PRMT7: variants seen among roughly 807,000 people sequenced by gnomAD.
PRMT7 encodes protein arginine N-methyltransferase 7.
A neutral mutation model predicts 85.4 loss-of-function variants in PRMT7; 75 were observed. The ratio of observed to expected loss-of-function variants is 0.88; its 90% CI spans 0.73 to 1.06. PRMT7 has a LOEUF of 1.06. Ranked by LOEUF, PRMT7 falls within the 50% of genes least tolerant of loss-of-function variation. The pLI is 0.00. For missense variants in PRMT7, 868 were observed against 915.2 expected, an observed-to-expected ratio of 0.95 and a Z score of 0.67; for synonymous variants, 397 against 359.5, an observed-to-expected ratio of 1.10 and a Z score of -1.18.
intron 3 of PRMT7, among the ~76,000 whole-genome samples, chr16:68,319,590 TAAA>T (rs58594681): frequency 1.1e-4 from 15 of 135,832 alleles, no homozygotes; most frequent in East Asian, 4.3e-4. Flanking sequence ...GATGTGCCAT[TAAA>T]AAAAAAAAAA....
At position 68,339,948 on chromosome 16, in the gene PRMT7, T is replaced by G. The variant is rs746733414; in HGVS notation, c.907T>G (p.Ser303Ala). Residue 303 changes from serine (S) to alanine (A), a missense_variant, in exon 9 of 19, where the codon TCA (serine) becomes GCA (alanine). Physicochemically the swap from Ser to Ala is moderately conservative, Grantham distance 99 (BLOSUM62 1). Coordinates refer to ENST00000441236, the MANE Select transcript of PRMT7 (RefSeq NM_019023.5). ...CACCATGGCCCCCTTCTGGGCACAC[T>G]CAGACCCAGAGGAGATGCAGGTAAG... ...KCTMAPFWAH[S>A]DPEEMQWRDH... The G allele has an allele frequency of 5.0e-6, 8 of 1,613,232 alleles. No individual in the cohort carries two copies. Among genetic ancestry groups the G allele is most frequent in the Non-Finnish European group, 6.8e-6 (8 of 1,179,644 alleles).
chr16:68,347,578 T>G, intron 12 of PRMT7, 53 bp from the exon 13 acceptor site: 2 of 1,563,502 alleles, frequency 1.3e-6, no homozygotes, highest in South Asian at 1.1e-5. Flanking sequence ...AATCTTTAAT[T>G]TCTTCTCTGT....
In PRMT7 at chr16:68,315,886, G is replaced by C; in HGVS notation, c.-83-11G>C. The C allele has an allele frequency of 1.0e-6, 1 of 1,004,470 alleles. No homozygotes were observed. The highest frequency in any genetic ancestry group is 1.3e-5 in the South Asian group (1 of 74,262). 62.2% of individuals were successfully genotyped at this position (1,004,470 alleles called of 1,614,324 possible). On this transcript the variant is annotated splice_polypyrimidine_tract_variant and intron_variant, in intron 2 of 18. Transcript: ENST00000441236. ...GTTTATATACCTCCTGTTTCCTTCT[G>C]ATGTTAATAGATTTCTGACAGTCAG... is the stretch of plus-strand genomic sequence containing the variant.
intron 17 of PRMT7, 112 bp downstream of exon 17, chr16:68,355,995 T>C: frequency 8.4e-7 from 1 of 1,194,620 alleles, no homozygotes; most frequent in Non-Finnish European, 1.1e-6. Context: ...GGAGGGGGTA[T>C]TCGTCCTCCC....
chr16:68,337,544 T>A lies in PRMT7; in HGVS notation c.477T>A (p.Tyr159Ter), dbSNP rs939578442. The A allele has an allele frequency of 6.2e-7, 1 of 1,610,992 alleles. No homozygotes were observed. Among genetic ancestry groups the A allele is most frequent in the Admixed American group, 1.7e-5 (1 of 59,692 alleles). ...TCGGGGAGGGGGCGCTGCCCTCCTATGAGCACGCACACAGGCATCTCGTGG... is the reference window on the plus strand; with the variant it reads ...TCGGGGAGGGGGCGCTGCCCTCCTAAGAGCACGCACACAGGCATCTCGTGG... ...ELIGEGALPS[Y>*]EHAHRHLVEE... Residue 159 changes from tyrosine to a stop codon, truncating the protein, a stop_gained, in exon 7 of 19, where the codon TAT (tyrosine) becomes TAA (stop). Transcript: ENST00000441236. LOFTEE classifies it high-confidence loss of function.
chr16:68,359,972 A>G (rs886259042), downstream of PRMT7: 2 of 152,480 alleles, frequency 1.3e-5, no homozygotes, highest in Admixed American at 1.3e-4. Context: ...GCATGCAGCA[A>G]CTGTCAGCCT....
At chr16:68,356,597 G>A (rs2088556662) in intron 17 of PRMT7, 104 bp from the exon 18 acceptor site, 1 of 806,564 alleles carries the variant, frequency 1.2e-6, no homozygotes, top group Non-Finnish European at 2.0e-6. Context: ...GGGCAGGAAG[G>A]AAGTGGGGAA....
intron 17 of PRMT7, 72 bp from the exon 18 acceptor site, chr16:68,356,629 C>A: frequency 8.4e-7 from 1 of 1,192,962 alleles, no homozygotes; most frequent in East Asian, 2.5e-5. Flanking sequence ...TCTGGAAAGC[C>A]GCAGGAGCTG....
At chr16:68,325,957 A>C (rs543436963) in intron 5 of PRMT7, among the ~76,000 whole-genome samples, 1 of 152,172 alleles carries the variant, frequency 6.6e-6, no homozygotes, top group Non-Finnish European at 1.5e-5. Flanking sequence ...ATGTTTACCA[A>C]TTTGTCATTT....
Position 68,329,194 on chromosome 16 carries a change from T to C in PRMT7, c.391+20T>C, listed in dbSNP as rs778925776. On this transcript the variant is annotated intron_variant, in intron 6 of 18. Transcript: ENST00000441236. ...GTCCAGGTGAGATTTACACACCCTGTGTTGAAAGCTTTGCTTGCTCTTGTG... is the reference window on the plus strand; with the variant it reads ...GTCCAGGTGAGATTTACACACCCTGCGTTGAAAGCTTTGCTTGCTCTTGTG... 5.3e-6 allele frequency: 8 copies of C among 1,516,562 alleles called. No homozygotes were observed. The highest frequency in any genetic ancestry group is 7.3e-6 in the Non-Finnish European group (8 of 1,091,966). 93.9% of individuals were successfully genotyped at this position (1,516,562 alleles called of 1,614,324 possible).
chr16:68,347,745 GTGGCAT>G, intron 13 of PRMT7, 67 bp downstream of exon 13: 1 of 1,469,176 alleles, frequency 6.8e-7, no homozygotes, highest in Non-Finnish European at 9.5e-7. Flanking sequence ...TGGCTTTGAA[GTGGCAT>G]TGGCCCCAGG....
chr16:68,324,761 A>G lies in PRMT7; in HGVS notation c.211A>G (p.Ile71Val), dbSNP rs746429506. 3.7e-6 allele frequency: 6 copies of G among 1,613,928 alleles called. No individual in the cohort carries two copies. Among genetic ancestry groups the G allele is most frequent in the East Asian group, 2.2e-5 (1 of 44,886 alleles). ...DRGQKALVLD[I>V]GTGTGLLSMM... The stretch of plus-strand genomic sequence containing the variant: ...AGGACAGAAGGCCTTGGTTCTCGAC[A>G]TTGGCACTGGCACGGGACTCTTGTC... Residue 71 changes from isoleucine (I) to valine (V), a missense_variant, in exon 5 of 19, where the codon ATT (isoleucine) becomes GTT (valine). Ile to Val is a conservative substitution (Grantham distance 29, BLOSUM62 3). Transcript: ENST00000441236.
At chr16:68,341,972 C>T (rs1007765341) in intron 9 of PRMT7, among the ~76,000 whole-genome samples, 6 of 152,066 alleles carry the variant, frequency 3.9e-5, no homozygotes, top group Admixed American at 1.3e-4. Flanking sequence ...TGGGGAAGGA[C>T]GGTTATCATT....
intron 16 of PRMT7, 188 bp from the exon 17 acceptor site, chr16:68,355,535 C>A: frequency 3.9e-6 from 2 of 512,438 alleles, no homozygotes; most frequent in Non-Finnish European, 6.4e-6. Context: ...GCCAGCGGTG[C>A]CTGGGGAGCC....
chr16:68,323,940 A>G (rs1321791826), intron 4 of PRMT7: 1 of 152,254 alleles, frequency 6.6e-6, no homozygotes, highest in African/African-American at 2.4e-5. Flanking sequence ...TCAAGATGCA[A>G]AGAAGTTATT....
At chr16:68,312,330 C>G (rs1244233252) in intron 2 of PRMT7, among the ~76,000 whole-genome samples, 154 bp downstream of exon 2, 2 of 151,166 alleles carry the variant, frequency 1.3e-5, no homozygotes, top group African/African-American at 2.4e-5. Context: ...TCAAGTGATT[C>G]CCCTACCTCA....
At chr16:68,356,915 G>C (rs2088654875) in intron 18 of PRMT7, 118 bp downstream of exon 18, 1 of 1,368,002 alleles carries the variant, frequency 7.3e-7, no homozygotes, top group Non-Finnish European at 1.0e-6. Flanking sequence ...CGGGCCAGAT[G>C]ATGACCCCTC....
intron 11 of PRMT7, among the ~76,000 whole-genome samples, chr16:68,346,789 G>T (rs2086467097): frequency 6.6e-6 from 1 of 152,008 alleles, no homozygotes. Context: ...GGGGATGGGG[G>T]GAGGATCCAA....
chr16:68,328,533 A>AG (rs1491150679), intron 5 of PRMT7: 3 of 150,162 alleles, frequency 2.0e-5, no homozygotes, highest in Admixed American at 1.3e-4. Context: ...AAAAAAAAAA[A>AG]TGGTATACAT....
Sources: allele counts gnomAD v4.1 joint callset (sites outside exome capture counted in the v4.1 genomes callset), GRCh38; gene constraint gnomAD v4.1.1; transcripts MANE v1.5; gene names NCBI Gene and HGNC (gene_info 2026-07-23, HGNC 2026-07-21).